The following UBAP2 variants were observed in gnomAD, a reference collection of about 807,000 sequenced individuals.
UBAP2 encodes ubiquitin associated protein 2, also known as ubiquitin-associated protein 2.
Under a neutral mutation model 139.6 loss-of-function variants are expected in UBAP2, and 75 were observed. The observed-to-expected ratio is 0.54, with a 90% CI of 0.45 to 0.65. The LOEUF (loss-of-function observed/expected upper bound fraction) is 0.65. Among genes scored for constraint, UBAP2 ranks in the 30% least tolerant of loss-of-function variants. The pLI is 0.00. For synonymous variants in UBAP2, 526 were observed against 526.2 expected (o/e 1.00, Z 0.01); for missense variants, 1,368 against 1,369.6 (o/e 1.00, Z 0.02).
intron 13 of UBAP2, 53 bp downstream of exon 13, chr9:33,948,321 C>A (rs1825813156): frequency 2.7e-6 from 4 of 1,474,726 alleles, no homozygotes; most frequent in Admixed American, 2.1e-5. Context: ...CACACTCTGC[C>A]AAAGCTTGAA....
At chr9:33,968,524 G>A (rs2131040857) in intron 8 of UBAP2, 3 of 449,014 alleles carry the variant, frequency 6.7e-6, no homozygotes, top group East Asian at 5.1e-5. Flanking sequence ...CCATGTTGGT[G>A]GAATCAAGGG....
At chr9:34,031,599 G>A (rs535455499) in intron 1 of UBAP2, among the ~76,000 whole-genome samples, 2 of 151,726 alleles carry the variant, frequency 1.3e-5, no homozygotes, top group Admixed American at 1.3e-4. Flanking sequence ...GAGCCACCAC[G>A]CCCGGCCTTA....
intron 2 of UBAP2, among the ~76,000 whole-genome samples, chr9:34,001,367 C>A (rs1822685976): frequency 6.6e-6 from 1 of 152,112 alleles, no homozygotes; most frequent in African/African-American, 2.4e-5. Flanking sequence ...AGAAATGTGA[C>A]CTATTGTTTT....
At chr9:34,043,748 C>G (rs749742790) in intron 1 of UBAP2, among the ~76,000 whole-genome samples, 1 of 152,008 alleles carries the variant, frequency 6.6e-6, no homozygotes, top group Non-Finnish European at 1.5e-5. Context: ...TCCACCTCAG[C>G]CTCCCAAAGC....
intron 7 of UBAP2, 26 bp downstream of exon 7, chr9:33,973,157 A>T (rs768041029): frequency 1.2e-6 from 2 of 1,609,834 alleles, no homozygotes; most frequent in South Asian, 2.2e-5. Flanking sequence ...GTAAATAATT[A>T]TAAAAATAGG....
At chr9:33,932,785 G>T (rs1213583306) in intron 18 of UBAP2, among the ~76,000 whole-genome samples, 157 bp from the exon 19 acceptor site, 1 of 152,232 alleles carries the variant, frequency 6.6e-6, no homozygotes, top group African/African-American at 2.4e-5. Context: ...ACAGAGCCCA[G>T]TGATGGGGTC....
intron 13 of UBAP2, among the ~76,000 whole-genome samples, chr9:33,947,851 G>A (rs899598512): frequency 6.6e-6 from 1 of 151,064 alleles, no homozygotes; most frequent in Non-Finnish European, 1.5e-5. Context: ...AAATAATAGA[G>A]TAAAATATTG....
chr9:33,947,271 G>A (rs1227865042), intron 13 of UBAP2, among the ~76,000 whole-genome samples: 2 of 152,074 alleles, frequency 1.3e-5, no homozygotes, highest in East Asian at 3.9e-4. Context: ...CTCTCTATAT[G>A]CCCTAACCAT....
intron 2 of UBAP2, among the ~76,000 whole-genome samples, chr9:34,007,825 T>C (rs1269321871): frequency 6.6e-6 from 1 of 151,834 alleles, no homozygotes; most frequent in Non-Finnish European, 1.5e-5. Context: ...CCATTTATAA[T>C]AGAGTCGGGG....
chr9:33,975,322 C>G (rs1188711433), intron 6 of UBAP2, among the ~76,000 whole-genome samples: 5 of 151,596 alleles, frequency 3.3e-5, no homozygotes, highest in Non-Finnish European at 7.4e-5. Flanking sequence ...GTCTCAGCTA[C>G]CTGGGAGGCT....
At chr9:34,012,363 T>C (rs1160749814) in intron 2 of UBAP2, among the ~76,000 whole-genome samples, 2 of 152,120 alleles carry the variant, frequency 1.3e-5, no homozygotes, top group Non-Finnish European at 2.9e-5. Flanking sequence ...AAACCTCGTT[T>C]CTACTGAAAA....
chr9:33,940,194 C>T (rs969486221), intron 16 of UBAP2, among the ~76,000 whole-genome samples: 1 of 152,104 alleles, frequency 6.6e-6, no homozygotes, highest in East Asian at 1.9e-4. Context: ...ACCACAGTGT[C>T]GTTTCTTTGG....
At position 33,923,749 on chromosome 9, in the gene UBAP2, G is replaced by C. The variant is rs752529541; in HGVS notation, c.2796+46C>G. 5.8e-5 allele frequency: 93 copies of C among 1,594,250 alleles called. 2 individuals carry two copies. The Admixed American group carries it at 1.6e-3, about 27-fold the overall frequency. On this transcript the variant is annotated intron_variant, in intron 24 of 28. Transcript: ENST00000379238. Reference sequence around the variant, plus strand: ...ATAGGTCCCAGGTTTCCACCTGCCAGCAACCCAAGGCCAGGAGACACAGTC... The same window carrying C: ...ATAGGTCCCAGGTTTCCACCTGCCACCAACCCAAGGCCAGGAGACACAGTC...
intron 1 of UBAP2, among the ~76,000 whole-genome samples, chr9:34,033,239 A>G (rs949416931): frequency 2.0e-5 from 3 of 152,202 alleles, no homozygotes; most frequent in Non-Finnish European, 2.9e-5. Context: ...AGGTGAATAG[A>G]TAAAACATGG....
intron 24 of UBAP2, 71 bp from the exon 25 acceptor site, chr9:33,923,549 G>C: frequency 6.8e-7 from 1 of 1,471,776 alleles, no homozygotes; most frequent in Non-Finnish European, 9.5e-7. Context: ...ACCCCTGCCA[G>C]AGCCTAAGGC....
intron 20 of UBAP2, among the ~76,000 whole-genome samples, chr9:33,927,321 C>A (rs1587503848): frequency 6.6e-6 from 1 of 152,156 alleles, no homozygotes. Flanking sequence ...CAGCCCCTTT[C>A]CCCCAGTCCC....
intron 6 of UBAP2, among the ~76,000 whole-genome samples, chr9:33,974,098 GGAGGATCCAT>G (rs1828109977): frequency 6.6e-6 from 1 of 152,164 alleles, no homozygotes; most frequent in Admixed American, 6.5e-5. Flanking sequence ...GGCTGAAGCA[GGAGGATCCAT>G]GAGCCCAGGA....
chr9:33,957,099 AAAG>A (rs771628353), intron 10 of UBAP2, among the ~76,000 whole-genome samples: 68 of 152,250 alleles, frequency 4.5e-4, no homozygotes, highest in African/African-American at 1.4e-3. Flanking sequence ...AAAAAAAAAA[AAAG>A]AAGAAGTCAT....
chr9:33,957,156 A>G (rs908763168), intron 10 of UBAP2, among the ~76,000 whole-genome samples: 83 of 152,114 alleles, frequency 5.5e-4, no homozygotes, highest in Non-Finnish European at 5.9e-4. Context: ...TTCTCCCCCC[A>G]AAGACAGATG....
Sources: allele counts gnomAD v4.1 joint callset (sites outside exome capture counted in the v4.1 genomes callset), GRCh38; gene constraint gnomAD v4.1.1; transcripts MANE v1.5; gene names NCBI Gene and HGNC (gene_info 2026-07-23, HGNC 2026-07-21).